The following BANK1 variants were observed in gnomAD, a reference collection of about 807,000 sequenced individuals.
BANK1 encodes B cell scaffold protein with ankyrin repeats 1, also known as B-cell scaffold protein with ankyrin repeats.
A neutral mutation model predicts 94.5 loss-of-function variants in BANK1; 95 were observed. That is an observed-to-expected ratio of 1.00 (90% CI 0.85 to 1.19). BANK1 has a LOEUF of 1.19. Ranked by LOEUF, BANK1 falls within the 50% of genes most tolerant of loss-of-function variation. The pLI, the probability that BANK1 is intolerant of heterozygous loss-of-function variation, is 0.00. For synonymous variants in BANK1, 334 were observed against 308.4 expected (o/e 1.08, Z -0.87); for missense variants, 987 against 932.2 (o/e 1.06, Z -0.77).
intron 6 of BANK1, among the ~76,000 whole-genome samples, chr4:101,907,617 C>G (rs1488221819): frequency 6.6e-6 from 1 of 152,160 alleles, no homozygotes; most frequent in Non-Finnish European, 1.5e-5. Flanking sequence ...GTCAAATTGT[C>G]CCTGTTTGCA....
rs944958539 is a variant in BANK1 at position 101,906,043 on chromosome 4, C to A, written c.1009+10633C>A. ...GCATCTAAACCAGCCCAGGTGCCAACCCCCAAAAGTTGGTCTGCAGTTATA... is the reference window on the plus strand; with the variant it reads ...GCATCTAAACCAGCCCAGGTGCCAAACCCCAAAAGTTGGTCTGCAGTTATA... On this transcript the variant is annotated intron_variant, in intron 6 of 16. Transcript: ENST00000322953. Among the ~76,000 whole-genome samples, 6 of 152,306 alleles carry A rather than the reference C, an allele frequency of 3.9e-5. No individual in the cohort carries two copies. The South Asian group carries it at 1.2e-3, about 32-fold the overall frequency.
intron 7 of BANK1, among the ~76,000 whole-genome samples, chr4:101,967,291 CAT>C (rs1011167985): frequency 9.2e-5 from 14 of 151,942 alleles, no homozygotes; most frequent in Non-Finnish European, 1.3e-4. Flanking sequence ...GGAACTGAGA[CAT>C]AGACAGTCCA....
chr4:102,071,625 G>A (rs992785118), intron 14 of BANK1, among the ~76,000 whole-genome samples: 4 of 152,168 alleles, frequency 2.6e-5, no homozygotes, highest in South Asian at 2.1e-4. Flanking sequence ...TATGCAAAAC[G>A]TAGATAAGCA....
At chr4:101,847,782 TCA>T in intron 2 of BANK1, among the ~76,000 whole-genome samples, 1 of 147,514 alleles carries the variant, frequency 6.8e-6, no homozygotes, top group African/African-American at 2.6e-5. Flanking sequence ...CACATATGTC[TCA>T]CACAGTTTCT....
At chr4:101,914,338 G>A (rs1272040317) in intron 6 of BANK1, among the ~76,000 whole-genome samples, 2 of 152,058 alleles carry the variant, frequency 1.3e-5, no homozygotes, top group African/African-American at 2.4e-5. Flanking sequence ...GCCTCACCCC[G>A]AGGAGCAGTA....
chr4:102,025,554 C>A (rs1331780273), intron 9 of BANK1, 45 bp downstream of exon 9: 2 of 1,559,532 alleles, frequency 1.3e-6, no homozygotes, highest in Non-Finnish European at 1.7e-6. Flanking sequence ...AAAGACAAAT[C>A]TTTGACAGGC....
chr4:102,048,452 A>G (rs1727951191), intron 11 of BANK1, among the ~76,000 whole-genome samples: 2 of 152,188 alleles, frequency 1.3e-5, no homozygotes, highest in Admixed American at 1.3e-4. Context: ...CATGTAACAT[A>G]CTATGCAATG....
rs1386964601 is a variant in BANK1, at chr4:102,021,523, A to G, written c.1216A>G (p.Ile406Val). 7.0e-7 allele frequency: 1 copy of G among 1,437,334 alleles called. No homozygotes were observed. Among genetic ancestry groups the G allele is most frequent in the Non-Finnish European group, 9.4e-7 (1 of 1,060,592 alleles). 89.0% of individuals were successfully genotyped at this position (1,437,334 alleles called of 1,614,324 possible). A position where few individuals can be genotyped will look rare whatever the true frequency, so the allele number is the denominator to read the frequency against. Residue 406 changes from isoleucine to valine, a missense_variant, in exon 8 of 17, where the codon ATT (isoleucine) becomes GTT (valine). Ile to Val is a conservative substitution (Grantham distance 29). Coordinates refer to ENST00000322953, the MANE Select transcript of BANK1 (RefSeq NM_017935.5). Reference sequence around the variant, plus strand: ...ATTACATTTTTTTCAGATCCAAGAAATTGACATAAATAATGAGCAAGAAAA... The same window carrying G: ...ATTACATTTTTTTCAGATCCAAGAAGTTGACATAAATAATGAGCAAGAAAA... The part of the protein sequence containing the change: ...KIFEDFSIQE[I>V]DINNEQENDY...
At chr4:101,829,236 T>G (rs1350713051) in intron 1 of BANK1, among the ~76,000 whole-genome samples, 1 of 152,158 alleles carries the variant, frequency 6.6e-6, no homozygotes, top group Non-Finnish European at 1.5e-5. Flanking sequence ...TTCCTTTATC[T>G]TTCTTATTTC....
chr4:101,838,498 C>A (rs1281375989), intron 2 of BANK1, among the ~76,000 whole-genome samples: 1 of 151,930 alleles, frequency 6.6e-6, no homozygotes, highest in African/African-American at 2.4e-5. Context: ...ATTTCAATTC[C>A]ACATGGGAAA....
At chr4:101,920,913 G>A (rs921241985) in intron 7 of BANK1, among the ~76,000 whole-genome samples, 7 of 151,788 alleles carry the variant, frequency 4.6e-5, no homozygotes, top group Non-Finnish European at 1.0e-4. Context: ...TTATTGTTAG[G>A]TATATGAAGG....
At chr4:102,010,130 T>G (rs1198148335) in intron 7 of BANK1, among the ~76,000 whole-genome samples, 2 of 151,648 alleles carry the variant, frequency 1.3e-5, no homozygotes, top group East Asian at 4.0e-4. Context: ...CCAGGTGTGG[T>G]GGCGGGCGCC....
At chr4:101,897,886 C>G (rs545393714) in intron 6 of BANK1, among the ~76,000 whole-genome samples, 1 of 151,836 alleles carries the variant, frequency 6.6e-6, no homozygotes, top group African/African-American at 2.4e-5. Flanking sequence ...ATATTACCCT[C>G]TCTTAACAAA....
At chr4:102,023,180 A>G (rs539898726) in intron 8 of BANK1, among the ~76,000 whole-genome samples, 24 of 152,306 alleles carry the variant, frequency 1.6e-4, no homozygotes, top group Non-Finnish European at 3.4e-4. Context: ...ATTGACCACA[A>G]GTTTTTCAAA....
rs116880423 is a variant in BANK1 at position 101,848,916 on chromosome 4, C to T, written c.470-6119C>T. 1.7e-3 allele frequency among the ~76,000 whole-genome samples: 252 copies of T among 152,272 alleles called. 11 individuals are homozygous for T. In the East Asian group the frequency reaches 0.046, roughly 28 times the overall value. On this transcript the variant is annotated intron_variant, in intron 2 of 16. Transcript: ENST00000322953. ...GCATCCTCCCACCTCTCCCTTTCAG[C>T]GATGCAATCACTCCCCAAGTTCTAG... is the stretch of plus-strand genomic sequence containing the variant.
At chr4:102,053,406 T>G (rs1159244270) in intron 11 of BANK1, among the ~76,000 whole-genome samples, 1 of 152,134 alleles carries the variant, frequency 6.6e-6, no homozygotes, top group African/African-American at 2.4e-5. Flanking sequence ...CATTTTCTAC[T>G]AAAATAAATC....
intron 2 of BANK1, among the ~76,000 whole-genome samples, chr4:101,833,220 C>T (rs1338910913): frequency 1.3e-5 from 2 of 152,124 alleles, no homozygotes. Context: ...CTCAGGTGAC[C>T]CACCCACCTC....
chr4:101,949,669 G>A (rs1303836773), intron 7 of BANK1, among the ~76,000 whole-genome samples: 1 of 152,012 alleles, frequency 6.6e-6, no homozygotes, highest in Non-Finnish European at 1.5e-5. Context: ...CCCTTAGTAT[G>A]GGAAAAGAAC....
intron 7 of BANK1, among the ~76,000 whole-genome samples, chr4:102,021,199 A>G (rs1726885303): frequency 6.6e-6 from 1 of 152,136 alleles, no homozygotes; most frequent in Non-Finnish European, 1.5e-5. Flanking sequence ...TTTCAAGAGA[A>G]ATAGTTGTGT....
Sources: gnomAD v4.1 joint callset for allele counts (sites outside exome capture counted in the v4.1 genomes callset) on GRCh38, gnomAD v4.1.1 for gene constraint, MANE v1.5 for transcripts, NCBI Gene and HGNC (gene_info 2026-07-23, HGNC 2026-07-21) for gene names.